CARMIL1: variants seen among roughly 807,000 people sequenced by gnomAD.
CARMIL1 encodes the protein F-actin-uncapping protein LRRC16A.
Under a neutral mutation model 177.1 loss-of-function variants are expected in CARMIL1, and 90 were observed. The observed-to-expected ratio is 0.51, with a 90% CI of 0.43 to 0.61. The LOEUF (loss-of-function observed/expected upper bound fraction) is 0.61, where lower values mean the gene tolerates loss of function less well. Ranked by LOEUF, CARMIL1 falls within the 20% of genes least tolerant of loss-of-function variation. The pLI, the probability that CARMIL1 is intolerant of heterozygous loss-of-function variation, is 0.00. For synonymous variants in CARMIL1, 577 were observed against 606.2 expected (o/e 0.95, Z 0.71); for missense variants, 1,380 against 1,667.0 (o/e 0.83, Z 3.00).
chr6:25,605,057 T>C (rs1029824584), intron 34 of CARMIL1, among the ~76,000 whole-genome samples, 164 bp downstream of exon 34: 1 of 152,204 alleles, frequency 6.6e-6, no homozygotes, highest in East Asian at 1.9e-4. Context: ...TCACCTGCCT[T>C]ATCTTCCCCT....
In CARMIL1 at chr6:25,347,443, A is replaced by G. The variant is rs548934146; in HGVS notation, c.138+62534A>G. Among the ~76,000 whole-genome samples, 4 of 152,274 alleles carry G rather than the reference A, an allele frequency of 2.6e-5. No homozygotes were observed. In the South Asian group the frequency reaches 8.3e-4, roughly 32 times the overall value. On this transcript the variant is annotated intron_variant, in intron 2 of 36. Coordinates refer to ENST00000329474, the MANE Select transcript of CARMIL1 (RefSeq NM_017640.6). The stretch of plus-strand genomic sequence containing the variant: ...TGTGCACTCTGGTTTTTCTCTTAGT[A>G]TTTTCTGGTTTCCCTTAGTGTCATA...
chr6:25,357,379 C>T (rs562937033), intron 2 of CARMIL1, among the ~76,000 whole-genome samples: 23 of 152,184 alleles, frequency 1.5e-4, no homozygotes, highest in African/African-American at 5.1e-4. Context: ...GCCGGGAGTT[C>T]GAGACCACCC....
At chr6:25,315,312 T>C (rs6936496) in intron 2 of CARMIL1, among the ~76,000 whole-genome samples, 11,410 of 152,342 alleles carry the variant, frequency 0.075, 516 homozygotes, top group African/African-American at 0.11. Flanking sequence ...TCTAAGCCTC[T>C]GCTTTGATCC....
intron 2 of CARMIL1, among the ~76,000 whole-genome samples, chr6:25,300,990 T>C (rs1581492120): frequency 6.6e-6 from 1 of 152,236 alleles, no homozygotes; most frequent in Admixed American, 6.5e-5. Flanking sequence ...GCTGGTCATA[T>C]TGGCTTCCCT....
chr6:25,359,720 T>A (rs1386636637), intron 2 of CARMIL1, among the ~76,000 whole-genome samples: 1 of 152,172 alleles, frequency 6.6e-6, no homozygotes, highest in East Asian at 1.9e-4. Context: ...TGCACTGATG[T>A]GCACAGTGGG....
intron 29 of CARMIL1, among the ~76,000 whole-genome samples, chr6:25,569,097 T>C (rs767970990): frequency 2.0e-5 from 3 of 152,194 alleles, no homozygotes; most frequent in Non-Finnish European, 4.4e-5. Context: ...ATATTGCATA[T>C]TTTTTTGACA....
chr6:25,401,541 T>C (rs1793883354), intron 2 of CARMIL1, among the ~76,000 whole-genome samples: 1 of 152,186 alleles, frequency 6.6e-6, no homozygotes, highest in Non-Finnish European at 1.5e-5. Flanking sequence ...AAAGAAGGAA[T>C]TTAACTGATG....
chr6:25,583,821 AC>A (rs373890684), intron 31 of CARMIL1, among the ~76,000 whole-genome samples: 4 of 149,746 alleles, frequency 2.7e-5, no homozygotes, highest in East Asian at 2.0e-4. Flanking sequence ...TAAAAAGACA[AC>A]CCCCCCCACC....
chr6:25,375,475 C>G (rs1790879324), intron 2 of CARMIL1, among the ~76,000 whole-genome samples: 1 of 152,108 alleles, frequency 6.6e-6, no homozygotes, highest in Non-Finnish European at 1.5e-5. Context: ...TGATGGTGTC[C>G]TTTTTGCAGT....
intron 2 of CARMIL1, among the ~76,000 whole-genome samples, chr6:25,380,939 C>T (rs957791440): frequency 6.6e-6 from 1 of 152,138 alleles, no homozygotes; most frequent in Non-Finnish European, 1.5e-5. Flanking sequence ...GTACACCTAT[C>T]TTTTTTTCTC....
At chr6:25,295,461 TG>T (rs1189282638) in intron 2 of CARMIL1, among the ~76,000 whole-genome samples, 1 of 152,304 alleles carries the variant, frequency 6.6e-6, no homozygotes, top group East Asian at 1.9e-4. Flanking sequence ...GATAAATTCG[TG>T]GAAGTGGAAT....
chr6:25,339,362 G>A lies in CARMIL1; in HGVS notation c.138+54453G>A, dbSNP rs185804716. On this transcript the variant is annotated intron_variant, in intron 2 of 36. Transcript: ENST00000329474. Reference sequence around the variant, plus strand: ...TCTCTCTTCTTCCATAGTGAGATTTGTGGAGGGTCAATTAGAGTCTTCCTT... The same window carrying A: ...TCTCTCTTCTTCCATAGTGAGATTTATGGAGGGTCAATTAGAGTCTTCCTT... Among the ~76,000 whole-genome samples the A allele has an allele frequency of 1.5e-3, 225 of 152,322 alleles. 5 individuals are homozygous for A. Among genetic ancestry groups the A allele is most frequent in the Admixed American group, 0.014 (214 of 15,304 alleles).
chr6:25,371,886 C>G (rs1790459031), intron 2 of CARMIL1, among the ~76,000 whole-genome samples: 2 of 152,018 alleles, frequency 1.3e-5, no homozygotes, highest in Non-Finnish European at 2.9e-5. Flanking sequence ...GGTTTCAGCT[C>G]TTAGATGTAA....
chr6:25,413,813 AT>A (rs34634046), intron 2 of CARMIL1, among the ~76,000 whole-genome samples: 18,419 of 150,776 alleles, frequency 0.12, 1,311 homozygotes, highest in East Asian at 0.23. Context: ...ATGCACCCTA[AT>A]TTTTTTTTTA....
At chr6:25,317,950 A>G (rs1784403156) in intron 2 of CARMIL1, among the ~76,000 whole-genome samples, 2 of 152,310 alleles carry the variant, frequency 1.3e-5, no homozygotes, top group African/African-American at 4.8e-5. Context: ...AAGTCATCTC[A>G]AATTCCTTTT....
At chr6:25,495,283 G>A in intron 16 of CARMIL1, 68 bp downstream of exon 16, 1 of 1,071,420 alleles carries the variant, frequency 9.3e-7, no homozygotes, top group Non-Finnish European at 1.4e-6. Context: ...GTGCTTGAGG[G>A]AAGGGAGAAA....
At chr6:25,456,875 G>A (rs1040462120) in intron 8 of CARMIL1, among the ~76,000 whole-genome samples, 21 of 152,076 alleles carry the variant, frequency 1.4e-4, no homozygotes, top group African/African-American at 5.1e-4. Flanking sequence ...ACTGATCAGG[G>A]TGACATTCTT....
At position 25,554,927 on chromosome 6, in the gene CARMIL1, AACAG is replaced by A. The variant is rs1039672622; in HGVS notation, c.2592+835_2592+838del. ...AGCAGCAATAGCTTCTTCTGCGTGA[AACAG>A]ACAAAATGCATGTTTTTGAAAAATT... On this transcript the variant is annotated intron_variant, in intron 28 of 36. Transcript: ENST00000329474. The surrounding 1 kb of genome is among the most constrained non-coding windows in gnomAD (Gnocchi z 4.6). 2.0e-5 allele frequency among the ~76,000 whole-genome samples: 3 copies of A among 152,212 alleles called. No individual in the cohort carries two copies. Among genetic ancestry groups the A allele is most frequent in the African/African-American group, 7.2e-5 (3 of 41,448 alleles).
intron 2 of CARMIL1, among the ~76,000 whole-genome samples, chr6:25,299,965 T>A (rs1344347403): frequency 7.1e-6 from 1 of 140,500 alleles, no homozygotes; most frequent in Non-Finnish European, 1.5e-5. Context: ...GGCGACAGAG[T>A]GAGACTCCAC....
Sources: gnomAD v4.1 joint callset for allele counts (sites outside exome capture counted in the v4.1 genomes callset) on GRCh38, gnomAD v4.1.1 for gene constraint, Gnocchi (gnomAD v3.1) non-coding constraint, MANE v1.5 for transcripts, NCBI Gene and HGNC (gene_info 2026-07-23, HGNC 2026-07-21) for gene names.